Variants in HPF1 observed in about 807,000 individuals in gnomAD.
HPF1 encodes UPF0609 protein C4orf27.
A neutral mutation model predicts 38.8 loss-of-function variants in HPF1; 35 were observed. The ratio of observed to expected loss-of-function variants is 0.90; its 90% CI spans 0.69 to 1.19. HPF1 has a LOEUF of 1.19. HPF1 is among the 50% of genes most tolerant of loss of function. The pLI, the probability that HPF1 is intolerant of heterozygous loss-of-function variation, is 0.00. For missense variants in HPF1, 367 were observed against 405.8 expected (o/e 0.90, Z 0.82); for synonymous variants, 115 against 139.2 (o/e 0.83, Z 1.22).
At position 169,735,301 on chromosome 4, in the gene HPF1, A is replaced by C. The variant is rs374189227; in HGVS notation, c.736+2359T>G. Among the ~76,000 whole-genome samples, 5 of 152,316 alleles carry C rather than the reference A, an allele frequency of 3.3e-5. No individual in the cohort carries two copies. In the South Asian group the frequency reaches 6.2e-4, roughly 19 times the overall value. ...AAAGTGAATCATGACACTGACATTT[A>C]AGAATTGCTCAATAAAACGTATCTT... On this transcript the variant is annotated intron_variant, in intron 6 of 7. Coordinates refer to ENST00000393381, the MANE Select transcript of HPF1 (RefSeq NM_017867.3).
intron 2 of HPF1, 109 bp downstream of exon 2, chr4:169,753,567 C>T (rs1364713485): frequency 1.1e-6 from 1 of 917,948 alleles, no homozygotes; most frequent in Non-Finnish European, 1.7e-6. Flanking sequence ...TGGCCTCAGG[C>T]AATCCTCCTG....
chr4:169,735,140 A>G lies in HPF1; in HGVS notation c.736+2520T>C, dbSNP rs550053445. 5.6e-3 allele frequency among the ~76,000 whole-genome samples: 848 copies of G among 151,862 alleles called. 12 individuals are homozygous for G. Among genetic ancestry groups the G allele is most frequent in the South Asian group, 0.052 (252 of 4,804 alleles). On this transcript the variant is annotated intron_variant, in intron 6 of 7. Transcript: ENST00000393381. ...AAAATTCCATCTCAAAAAAAAAAAA[A>G]AAGAAGAAAGAAAGAAAAAAAGAAA...
intron 2 of HPF1, 131 bp downstream of exon 2, chr4:169,753,545 G>T: frequency 2.7e-6 from 2 of 730,178 alleles, no homozygotes; most frequent in African/African-American, 1.8e-5. Context: ...GACCAGGTTG[G>T]TCTCAAACTC....
intron 2 of HPF1, among the ~76,000 whole-genome samples, chr4:169,751,054 A>G (rs1439951403): frequency 2.0e-5 from 3 of 152,188 alleles, no homozygotes; most frequent in Non-Finnish European, 4.4e-5. Flanking sequence ...AGCCTCAAAT[A>G]CTTGTAGTAC....
chr4:169,737,628 T>C (rs1733914866), intron 6 of HPF1, 32 bp downstream of exon 6: 1 of 1,310,178 alleles, frequency 7.6e-7, no homozygotes, highest in African/African-American at 1.4e-5. Flanking sequence ...TGCATTAACA[T>C]ATATGCACAT....
rs572754499 is a variant in HPF1 at position 169,755,223 on chromosome 4, T to A, written c.49-1388A>T. Among the ~76,000 whole-genome samples, 155 of 152,272 alleles carry A rather than the reference T, an allele frequency of 1.0e-3. 1 individual carries two copies. Among genetic ancestry groups the A allele is most frequent in the African/African-American group, 3.2e-3 (132 of 41,560 alleles). On this transcript the variant is annotated intron_variant, in intron 1 of 7. Transcript: ENST00000393381. Reference sequence around the variant, plus strand: ...AACAGAACAAATGAAATACCTATTGTTAGGAGAACAGTTGTAAGGTTTTCA... The same window carrying A: ...AACAGAACAAATGAAATACCTATTGATAGGAGAACAGTTGTAAGGTTTTCA...
chr4:169,752,316 C>T lies in HPF1; in HGVS notation c.208+1360G>A, dbSNP rs181552716. Reference sequence around the variant, plus strand: ...TCCCAAGTAGCTGAGATTACAGGCACCCGCCACCACGCCCAGCTAAAGGCA... The same window carrying T: ...TCCCAAGTAGCTGAGATTACAGGCATCCGCCACCACGCCCAGCTAAAGGCA... On this transcript the variant is annotated intron_variant, in intron 2 of 7. Coordinates refer to ENST00000393381, the MANE Select transcript of HPF1 (RefSeq NM_017867.3). Among the ~76,000 whole-genome samples, 838 of 151,852 alleles carry T rather than the reference C, an allele frequency of 5.5e-3. 12 individuals carry two copies. The highest frequency in any genetic ancestry group is 0.047 in the South Asian group (227 of 4,798).
chr4:169,729,669 T>C lies in HPF1; in HGVS notation c.950A>G (p.Tyr317Cys), dbSNP rs1177726720. The change falls in exon 8 of 8, where the codon TAT (tyrosine) becomes TGT (cysteine). Residue 317 changes from tyrosine (Y) to cysteine (C), a missense_variant. Transcript: ENST00000393381. ...AAACAGATTCCTCTTCAACAGATTA[T>C]ATGCAAGAGGTAAAAGCTGGCCAGC... Reference protein sequence around the residue: ...KVAGQLLPLAYNLLKRNLFAE... With the variant: ...KVAGQLLPLACNLLKRNLFAE... 1 of 1,570,522 alleles carries C rather than the reference T, an allele frequency of 6.4e-7. No homozygotes were observed. Among genetic ancestry groups the C allele is most frequent in the African/African-American group, 1.4e-5 (1 of 72,712 alleles).
chr4:169,750,456 G>A, intron 3 of HPF1, 80 bp downstream of exon 3: 1 of 1,021,208 alleles, frequency 9.8e-7, no homozygotes, highest in Non-Finnish European at 1.4e-6. Flanking sequence ...CTTTCACCTT[G>A]GGTGAGGCTA....
chr4:169,742,103 A>C lies in HPF1; in HGVS notation c.502T>G (p.Phe168Val). 1 of 1,610,160 alleles carries C rather than the reference A, an allele frequency of 6.2e-7. No homozygotes were observed. Among genetic ancestry groups the C allele is most frequent in the Non-Finnish European group, 8.5e-7 (1 of 1,178,462 alleles). Reference protein sequence around the residue: ...GDNVFAAVKLFLTKKLREITD... With the variant: ...GDNVFAAVKLVLTKKLREITD... ...ATTTCTCTAAGTTTTTTCGTCAAAA[A>C]TAATCTGAAAAAGAAGTAAAAGTCC... The change falls in exon 5 of 8, where the codon TTT (phenylalanine) becomes GTT (valine). Residue 168 changes from phenylalanine (F) to valine (V), a missense_variant. Physicochemically the swap from Phe to Val is conservative, Grantham distance 50. Coordinates refer to ENST00000393381, the MANE Select transcript of HPF1 (RefSeq NM_017867.3).
chr4:169,748,969 T>C, intron 3 of HPF1, 127 bp from the exon 4 acceptor site: 4 of 544,780 alleles, frequency 7.3e-6, no homozygotes, highest in Non-Finnish European at 1.3e-5. Flanking sequence ...TTTTTTTTTT[T>C]TTAATCATAC....
chr4:169,745,871 C>A (rs1318776032), intron 4 of HPF1, among the ~76,000 whole-genome samples: 1 of 152,156 alleles, frequency 6.6e-6, no homozygotes, highest in Non-Finnish European at 1.5e-5. Context: ...TATCTTGATT[C>A]CTGCCAAGGT....
chr4:169,743,423 T>TTTTTTTTTTC (rs1734005463), intron 4 of HPF1, among the ~76,000 whole-genome samples: 1 of 148,162 alleles, frequency 6.7e-6, no homozygotes, highest in Admixed American at 6.7e-5. Context: ...TTTTTTTTTT[T>TTTTTTTTTTC]TTTTTTTTTT....
chr4:169,744,632 A>T (rs1240758100), intron 4 of HPF1, among the ~76,000 whole-genome samples: 1 of 152,242 alleles, frequency 6.6e-6, no homozygotes, highest in African/African-American at 2.4e-5. Context: ...TATCAAATTC[A>T]TTACATAACA....
chr4:169,748,145 TAAGA>T (rs1169900912), intron 4 of HPF1, among the ~76,000 whole-genome samples: 12 of 152,134 alleles, frequency 7.9e-5, no homozygotes, highest in African/African-American at 2.9e-4. Context: ...GAACCATACA[TAAGA>T]AATAAACTCT....
chr4:169,755,290 G>T (rs1734174670), intron 1 of HPF1, among the ~76,000 whole-genome samples: 1 of 152,096 alleles, frequency 6.6e-6, no homozygotes, highest in Non-Finnish European at 1.5e-5. Flanking sequence ...TGACCCTTGA[G>T]CAACAAGGGT....
intron 5 of HPF1, among the ~76,000 whole-genome samples, chr4:169,739,028 T>C (rs946126923): frequency 6.6e-5 from 10 of 152,128 alleles, no homozygotes; most frequent in East Asian, 3.9e-4. Context: ...TTAGGAGATA[T>C]ACCTAATGTA....
Position 169,750,694 on chromosome 4 carries a change from T to C in HPF1, c.240A>G (p.Leu80=), listed in dbSNP as rs1281180212. Residue 80 remains leucine (L), a synonymous_variant, in exon 3 of 8, where the codon TTA becomes TTG. Coordinates refer to ENST00000393381, the MANE Select transcript of HPF1 (RefSeq NM_017867.3). Reference sequence around the variant, plus strand: ...CAGCAAGGATATCATAAGGACCAACTAATTGAAGTCCAAGGCTTGCAGAAA... The same window carrying C: ...CAGCAAGGATATCATAAGGACCAACCAATTGAAGTCCAAGGCTTGCAGAAA... ...DSLSASLGLQ[L]VGPYDILAGK... 2 of 1,612,046 alleles carry C rather than the reference T, an allele frequency of 1.2e-6. No homozygotes were observed. The highest frequency in any genetic ancestry group is 1.7e-6 in the Non-Finnish European group (2 of 1,179,296).
At chr4:169,740,012 T>G (rs72976699) in intron 5 of HPF1, among the ~76,000 whole-genome samples, 20,624 of 152,186 alleles carry the variant, frequency 0.14, 1,473 homozygotes, top group Non-Finnish European at 0.15. Flanking sequence ...AGAATTGTAA[T>G]TTTATTAAGA....
Sources: allele counts gnomAD v4.1 joint callset (sites outside exome capture counted in the v4.1 genomes callset), GRCh38; gene constraint gnomAD v4.1.1; transcripts MANE v1.5; gene names NCBI Gene and HGNC (gene_info 2026-07-23, HGNC 2026-07-21).